Variants in ELP1 observed in about 807,000 individuals in gnomAD.
The protein encoded by ELP1 is elongator complex protein 1.
In ELP1, 131 loss-of-function variants were observed where a neutral mutation model predicts 183.2. The ratio of observed to expected loss-of-function variants is 0.72; its 90% CI spans 0.62 to 0.83. The LOEUF is 0.83. Ranked by LOEUF, ELP1 falls within the 40% of genes least tolerant of loss-of-function variation. The pLI is 0.00. For synonymous variants in ELP1, 555 were observed against 569.0 expected (o/e 0.98, Z 0.35); for missense variants, 1,550 against 1,594.9 (o/e 0.97, Z 0.48).
At chr9:108,922,805 T>C (rs1164094580) in intron 6 of ELP1, 37 bp downstream of exon 6, 1 of 1,511,194 alleles carries the variant, frequency 6.6e-7, no homozygotes, top group East Asian at 2.3e-5. Flanking sequence ...TTACATTTGT[T>C]CCAGTCAAGG....
At position 108,878,698 on chromosome 9, in the gene ELP1, CTTT is replaced by C. The variant is rs1453695293; in HGVS notation, c.3622_3624del (p.Lys1208del). The stretch of plus-strand genomic sequence containing the variant: ...GCCAGGTCCTCCAGCGGACTGCCTT[CTTT>C]GAGGCTGTGCTTCTTCCGCTCCGCT... On this transcript the variant is annotated inframe_deletion, in exon 34 of 37. Coordinates refer to ENST00000374647, the MANE Select transcript of ELP1 (RefSeq NM_003640.5). 6.2e-7 allele frequency: 1 copy of C among 1,614,196 alleles called. No individual in the cohort carries two copies. The highest frequency in any genetic ancestry group is 8.5e-7 in the Non-Finnish European group (1 of 1,180,026).
At position 108,926,504 on chromosome 9, in the gene ELP1, T is replaced by C. The variant is rs1207245338; in HGVS notation, c.466+19A>G. On this transcript the variant is annotated intron_variant, in intron 5 of 36. Transcript: ENST00000374647. ...GGAAGAAACGTAGGTCACAAAATAT[T>C]GCACAAAGCTATACTTACTTTCACC... The C allele has an allele frequency of 1.3e-6, 2 of 1,592,088 alleles. No individual in the cohort carries two copies. The highest frequency in any genetic ancestry group is 2.7e-5 in the African/African-American group (2 of 74,524).
chr9:108,900,174 G>T, intron 19 of ELP1, 86 bp downstream of exon 19: 1 of 970,700 alleles, frequency 1.0e-6, no homozygotes, highest in Non-Finnish European at 1.7e-6. Flanking sequence ...GAATAAGAAA[G>T]CCTAAAATAC....
At position 108,872,819 on chromosome 9, in the gene ELP1, A is replaced by AC. The variant is rs1564207228; in HGVS notation, c.3931+2075_3931+2076insG. ...GACTCTGTCTGAAAAAAAAAAAAAA[A>AC]AAAAAAAAAAAAAAAAAAAACTAGT... is the stretch of plus-strand genomic sequence containing the variant. On this transcript the variant is annotated intron_variant, in intron 36 of 36. Transcript: ENST00000374647. 1.3e-4 allele frequency among the ~76,000 whole-genome samples: 9 copies of AC among 69,918 alleles called. 1 individual carries two copies. Among genetic ancestry groups the AC allele is most frequent in the Non-Finnish European group, 3.7e-4 (8 of 21,772 alleles). The allele number at this position is 69,918 out of a possible 152,430, so 45.9% of individuals were successfully genotyped here.
chr9:108,933,270 C>A (rs1332504084), intron 1 of ELP1, among the ~76,000 whole-genome samples: 8 of 152,198 alleles, frequency 5.3e-5, no homozygotes, highest in Non-Finnish European at 1.2e-4. Context: ...TTTTTGCTTA[C>A]TCTTCATACG....
intron 1 of ELP1, 91 bp from the exon 2 acceptor site, chr9:108,931,292 C>T (rs1036471556): frequency 5.8e-6 from 5 of 865,774 alleles, no homozygotes; most frequent in Non-Finnish European, 9.1e-6. Flanking sequence ...TAGTCAGAAT[C>T]AGAATAACCA....
rs899198470 is a variant in ELP1, at chr9:108,897,187, T to C, written c.2462A>G (p.Asp821Gly). The change falls in exon 23 of 37, where the codon GAT becomes GGT. Residue 821 changes from aspartate (D) to glycine (G), a missense_variant. Coordinates refer to ENST00000374647, the MANE Select transcript of ELP1 (RefSeq NM_003640.5). Reference sequence around the variant, plus strand: ...GCTCTCCATGACTGCTCTCATAGCATCGCAGACAAGGTCTATTTTATTCCC... The same window carrying C: ...GCTCTCCATGACTGCTCTCATAGCACCGCAGACAAGGTCTATTTTATTCCC... ...PDGNKIDLVC[D>G]AMRAVMESIN... The C allele has an allele frequency of 1.9e-6, 3 of 1,614,034 alleles. No homozygotes were observed. The highest frequency in any genetic ancestry group is 1.7e-6 in the Non-Finnish European group (2 of 1,180,036).
rs1564084243 is a variant in ELP1, at chr9:108,897,141, T to C, written c.2501+7A>G. On this transcript the variant is annotated splice_region_variant and intron_variant, in intron 23 of 36. Transcript: ENST00000374647. The stretch of plus-strand genomic sequence containing the variant: ...CAAAGGATGCCACCTGGTGACAGCA[T>C]ACATACTTATGAGGATTTATGCTCT... 1 of 1,614,206 alleles carries C rather than the reference T, an allele frequency of 6.2e-7. No homozygotes were observed. The highest frequency in any genetic ancestry group is 8.5e-7 in the Non-Finnish European group (1 of 1,180,046).
At chr9:108,909,147 A>C (rs1479119140) in intron 12 of ELP1, among the ~76,000 whole-genome samples, 1 of 152,032 alleles carries the variant, frequency 6.6e-6, no homozygotes, top group Non-Finnish European at 1.5e-5. Flanking sequence ...TTGGGATCAC[A>C]CTAAATAGGA....
rs747463750 is a variant in ELP1 at position 108,912,397 on chromosome 9, G to A, written c.1056C>T (p.Asp352=). Residue 352 remains aspartate, a synonymous_variant, in exon 11 of 37, where the codon GAC becomes GAT. Transcript: ENST00000374647. The stretch of plus-strand genomic sequence containing the variant: ...CATGCAGCCGGTATGGGGTCACAGG[G>A]TCCCACATCAGAGACACAATCTTGC... ...GKSKIVSLMW[D]PVTPYRLHVL... 6.2e-7 allele frequency: 1 copy of A among 1,614,096 alleles called. No individual in the cohort carries two copies. Among genetic ancestry groups the A allele is most frequent in the Non-Finnish European group, 8.5e-7 (1 of 1,179,974 alleles).
At chr9:108,897,074 G>A (rs549146405) in intron 23 of ELP1, 36 bp from the exon 24 acceptor site, 4 of 1,613,108 alleles carry the variant, frequency 2.5e-6, no homozygotes, top group Non-Finnish European at 3.4e-6. Context: ...GAATGAGAAA[G>A]GTAAGTAGGC....
chr9:108,872,818 A>C (rs1334745390), intron 36 of ELP1, among the ~76,000 whole-genome samples: 2 of 69,404 alleles, frequency 2.9e-5, no homozygotes, highest in Admixed American at 1.9e-4. Context: ...AAAAAAAAAA[A>C]AAAAAAAAAA....
chr9:108,881,011 T>C (rs1008723269), intron 31 of ELP1, among the ~76,000 whole-genome samples: 3 of 152,224 alleles, frequency 2.0e-5, no homozygotes, highest in Non-Finnish European at 2.9e-5. Flanking sequence ...TAAGTCAAAC[T>C]GATGTCCTTC....
At chr9:108,898,900 A>G in intron 20 of ELP1, 151 bp from the exon 21 acceptor site, 2 of 649,776 alleles carry the variant, frequency 3.1e-6, no homozygotes, top group Admixed American at 2.7e-5. Flanking sequence ...CTGAAATTAC[A>G]GAATAAAAAA....
chr9:108,906,222 G>C (rs1241071991), intron 14 of ELP1, 81 bp downstream of exon 14: 1 of 1,380,500 alleles, frequency 7.2e-7, no homozygotes, highest in Non-Finnish European at 1.0e-6. Context: ...ATCAATAGAA[G>C]TCAAAAGTTG....
rs747224215 is a variant in ELP1 at position 108,894,083 on chromosome 9, T to C, written c.2737-17A>G. On this transcript the variant is annotated splice_polypyrimidine_tract_variant and intron_variant, in intron 25 of 36. Transcript: ENST00000374647. ...TTTGGGATCCTAAAAAAATGATTAA[T>C]GAGAACTTTATTACTTGTGATATTC... 2.9e-6 allele frequency: 4 copies of C among 1,388,226 alleles called. No individual in the cohort carries two copies. The highest frequency in any genetic ancestry group is 1.2e-5 in the South Asian group (1 of 84,754). The allele number at this position is 1,388,226 out of a possible 1,614,324, so 86.0% of individuals were successfully genotyped here. A position where few individuals can be genotyped will look rare whatever the true frequency, so the allele number is the denominator to read the frequency against.
chr9:108,883,821 T>C (rs1828021393), intron 29 of ELP1, among the ~76,000 whole-genome samples: 1 of 151,740 alleles, frequency 6.6e-6, no homozygotes, highest in Non-Finnish European at 1.5e-5. Context: ...AATGGAATTA[T>C]GAAAAATACT....
In ELP1 at chr9:108,900,395, A is replaced by G. The variant is rs760415006; in HGVS notation, c.2015-20T>C. ...GTAATGCTAAACACACCATTAACTA[A>G]TAAGCCTTAATTATCACAACAAGCC... On this transcript the variant is annotated intron_variant, in intron 18 of 36. Transcript: ENST00000374647. 1.2e-5 allele frequency: 18 copies of G among 1,542,504 alleles called. No homozygotes were observed. The highest frequency in any genetic ancestry group is 1.4e-5 in the Non-Finnish European group (16 of 1,115,050).
intron 20 of ELP1, 30 bp from the exon 21 acceptor site, chr9:108,898,779 G>C (rs952981245): frequency 1.3e-6 from 2 of 1,523,426 alleles, no homozygotes; most frequent in East Asian, 4.5e-5. Flanking sequence ...GAATAGAAAA[G>C]ATATTCACAA....
Sources: gnomAD v4.1 joint callset for allele counts (sites outside exome capture counted in the v4.1 genomes callset) on GRCh38, gnomAD v4.1.1 for gene constraint, MANE v1.5 for transcripts, NCBI Gene and HGNC (gene_info 2026-07-23, HGNC 2026-07-21) for gene names.